ABCA10: variants seen among roughly 807,000 people sequenced by gnomAD.
The protein encoded by ABCA10 is ATP binding cassette subfamily A member 10, also known as ATP-binding cassette sub-family A member 10.
ABCA10 carries 169 observed loss-of-function variants against 187.5 expected under a neutral mutation model. That is an observed-to-expected ratio of 0.90 (90% CI 0.80 to 1.02). The LOEUF (loss-of-function observed/expected upper bound fraction) is 1.02, where lower values mean the gene tolerates loss of function less well. ABCA10 is among the 50% of genes least tolerant of loss of function. ABCA10 has a pLI of 0.00. For missense variants in ABCA10, 1,727 were observed against 1,812.4 expected (o/e 0.95, Z 0.86); for synonymous variants, 574 against 601.8 (o/e 0.95, Z 0.68).
intron 22 of ABCA10, among the ~76,000 whole-genome samples, chr17:69,180,759 T>C (rs371653077): frequency 2.0e-5 from 3 of 152,182 alleles, no homozygotes; most frequent in East Asian, 3.8e-4. Context: ...AATCACCCTA[T>C]CTCATTCGCA....
At chr17:69,149,583 C>T (rs544143129) in intron 37 of ABCA10, among the ~76,000 whole-genome samples, 117 of 152,322 alleles carry the variant, frequency 7.7e-4, no homozygotes, top group Non-Finnish European at 1.3e-3. Context: ...ACTGTTGCCT[C>T]TGTACATTTG....
intron 9 of ABCA10, among the ~76,000 whole-genome samples, chr17:69,207,550 C>T (rs2074600988): frequency 1.3e-5 from 2 of 151,588 alleles, no homozygotes; most frequent in Admixed American, 1.3e-4. Context: ...TATATATATA[C>T]AATAGAATAC....
chr17:69,185,136 T>C (rs2074411404), intron 20 of ABCA10, among the ~76,000 whole-genome samples: 1 of 152,006 alleles, frequency 6.6e-6, no homozygotes, highest in Non-Finnish European at 1.5e-5. Context: ...CAATGGATTT[T>C]GAGGACTTGG....
At chr17:69,224,366 C>T (rs548421663) in intron 3 of ABCA10, among the ~76,000 whole-genome samples, 1 of 152,146 alleles carries the variant, frequency 6.6e-6, no homozygotes, top group East Asian at 1.9e-4. Context: ...ATGTTCAGAA[C>T]CCTGGCAGAA....
intron 5 of ABCA10, 101 bp downstream of exon 5, chr17:69,221,691 T>A: frequency 9.8e-7 from 1 of 1,024,528 alleles, no homozygotes; most frequent in South Asian, 2.0e-5. Flanking sequence ...AGGCAAAGTA[T>A]CACCTCCTAA....
At chr17:69,230,126 TTC>T (rs892724864), upstream of ABCA10, among the ~76,000 whole-genome samples, 2 of 151,310 alleles carry the variant, frequency 1.3e-5, no homozygotes, top group Non-Finnish European at 1.5e-5. Context: ...TTAGGCCCAA[TTC>T]TCTCTCTCTC....
rs932232994 is a variant in ABCA10 at position 69,227,129 on chromosome 17, A to T, written c.-172+16T>A. ...ATTAATTATGGATATATATATATAT[A>T]TATAGTGAATCATACCAATAAACTC... On this transcript the variant is annotated intron_variant, in intron 2 of 38. Coordinates refer to ENST00000690296, the MANE Select transcript of ABCA10 (RefSeq NM_001377321.1). The T allele has an allele frequency of 6.7e-5, 10 of 149,682 alleles. No individual in the cohort carries two copies. Among genetic ancestry groups the T allele is most frequent in the African/African-American group, 2.4e-4 (10 of 41,072 alleles). The allele number at this position is 149,682 out of a possible 1,614,324, so 9.3% of individuals were successfully genotyped here.
In ABCA10 at chr17:69,152,094, G is replaced by T. The variant is rs1423325519; in HGVS notation, c.4346C>A (p.Ala1449Asp). 5.0e-6 allele frequency: 8 copies of T among 1,613,452 alleles called. No homozygotes were observed. The highest frequency in any genetic ancestry group is 6.8e-6 in the Non-Finnish European group (8 of 1,179,914). The change falls in exon 36 of 39, where the codon GCT becomes GAT. Residue 1449 changes from alanine to aspartate, a missense_variant. Transcript: ENST00000690296. ...AAGCTTCAAAATCTCTGTGTGGAGA[G>T]CTTCCACCTGGGTAGGTTCTTTCAT... ...IKMKEPTQVE[A>D]LHTEILKLFP... is the part of the protein sequence containing the mutation.
At chr17:69,207,315 A>G (rs1320648507) in intron 9 of ABCA10, among the ~76,000 whole-genome samples, 1 of 152,196 alleles carries the variant, frequency 6.6e-6, no homozygotes, top group African/African-American at 2.4e-5. Context: ...TACAACCATT[A>G]TGAAAAATAT....
chr17:69,155,427 C>T lies in ABCA10; in HGVS notation c.3577-291G>A, dbSNP rs570130340. On this transcript the variant is annotated intron_variant, in intron 29 of 38. Coordinates refer to ENST00000690296, the MANE Select transcript of ABCA10 (RefSeq NM_001377321.1). ...TCCCAGTTTATTCCTTATTGATTTC[C>T]ATGCATTGTAAATTCATTTGCTCTT... Among the ~76,000 whole-genome samples, 276 of 152,268 alleles carry T rather than the reference C, an allele frequency of 1.8e-3. 2 individuals carry two copies. The highest frequency in any genetic ancestry group is 6.3e-3 in the African/African-American group (261 of 41,560).
chr17:69,148,792 A>G lies in ABCA10; in HGVS notation c.*35T>C, dbSNP rs761872076. 2.0e-6 allele frequency: 3 copies of G among 1,514,376 alleles called. No homozygotes were observed. The highest frequency in any genetic ancestry group is 1.4e-5 in the African/African-American group (1 of 72,600). 93.8% of individuals were successfully genotyped at this position (1,514,376 alleles called of 1,614,324 possible). The stretch of plus-strand genomic sequence containing the variant: ...GAATTATGGAAACTAACAATGTAGT[A>G]GGACCTAAAATTGAATGTTAGGAGG... On this transcript the variant is annotated 3_prime_UTR_variant, in exon 39 of 39. Coordinates refer to ENST00000690296, the MANE Select transcript of ABCA10 (RefSeq NM_001377321.1).
rs1156592391 is a variant in ABCA10, at chr17:69,155,078, C to T, written c.3635G>A (p.Cys1212Tyr). The T allele has an allele frequency of 1.9e-6, 3 of 1,612,910 alleles. No individual in the cohort carries two copies. Among genetic ancestry groups the T allele is most frequent in the Non-Finnish European group, 2.5e-6 (3 of 1,179,350 alleles). The change falls in exon 30 of 39, where the codon TGC becomes TAC. Residue 1212 changes from cysteine to tyrosine, a missense_variant. Transcript: ENST00000690296. The part of the protein sequence containing the change: ...HKEYYETKKS[C>Y]FSTRKKKIAI... The stretch of plus-strand genomic sequence containing the variant: ...TATTTTCTTCTTTCTTGTTGAAAAG[C>T]AACTTTTCTTTGTCTCATAATATTC...
At chr17:69,182,853 AAG>A in intron 20 of ABCA10, 45 bp from the exon 21 acceptor site, 1 of 1,532,322 alleles carries the variant, frequency 6.5e-7, no homozygotes, top group Non-Finnish European at 8.8e-7. Flanking sequence ...AAAAAAAAGC[AAG>A]AAAATCAAAG....
In ABCA10 at chr17:69,226,520, T is replaced by C. The variant is rs551803469; in HGVS notation, c.-172+625A>G. 2.6e-5 allele frequency among the ~76,000 whole-genome samples: 4 copies of C among 152,140 alleles called. No individual in the cohort carries two copies. In the South Asian group the frequency reaches 8.3e-4, roughly 32 times the overall value. ...TCAAGGCAGATCCAGTTATATCTCATAGTAACACAAAGCAATGTCTTAATA... is the reference window on the plus strand; with the variant it reads ...TCAAGGCAGATCCAGTTATATCTCACAGTAACACAAAGCAATGTCTTAATA... On this transcript the variant is annotated intron_variant, in intron 2 of 38. Coordinates refer to ENST00000690296, the MANE Select transcript of ABCA10 (RefSeq NM_001377321.1).
At chr17:69,200,827 G>A (rs933660197) in intron 10 of ABCA10, among the ~76,000 whole-genome samples, 4 of 152,080 alleles carry the variant, frequency 2.6e-5, no homozygotes, top group Non-Finnish European at 5.9e-5. Context: ...ATCCTCCCAC[G>A]TCAGCCTCCC....
intron 18 of ABCA10, among the ~76,000 whole-genome samples, chr17:69,189,866 G>C (rs951391593): frequency 6.6e-6 from 1 of 152,072 alleles, no homozygotes; most frequent in Non-Finnish European, 1.5e-5. Flanking sequence ...TCTCTAACTT[G>C]TTCCGTTGGT....
chr17:69,152,354 GCACC>G lies in ABCA10; in HGVS notation c.4256+4_4256+7del. 2 of 1,612,630 alleles carry G rather than the reference GCACC, an allele frequency of 1.2e-6. No homozygotes were observed. Among genetic ancestry groups the G allele is most frequent in the Non-Finnish European group, 1.7e-6 (2 of 1,179,384 alleles). Reference sequence around the variant, plus strand: ...GCTAGTCCCATGCTGGTCAGGACAGGCACCCACCTTAGCGTTCCTGACACCATCA... The same window carrying G: ...GCTAGTCCCATGCTGGTCAGGACAGGCACCTTAGCGTTCCTGACACCATCA... On this transcript the variant is annotated splice_donor_5th_base_variant and intron_variant, in intron 35 of 38. Transcript: ENST00000690296.
upstream of ABCA10, among the ~76,000 whole-genome samples, chr17:69,229,072 T>C (rs1304081410): frequency 6.6e-6 from 1 of 152,000 alleles, no homozygotes; most frequent in Non-Finnish European, 1.5e-5. Context: ...ATCATTCCAA[T>C]GAGAAAGTTT....
At chr17:69,181,305 C>G (rs2074379519) in intron 22 of ABCA10, among the ~76,000 whole-genome samples, 1 of 152,176 alleles carries the variant, frequency 6.6e-6, no homozygotes, top group African/African-American at 2.4e-5. Flanking sequence ...AATCCATTCA[C>G]TGATTTAAGT....
Sources: allele counts gnomAD v4.1 joint callset (sites outside exome capture counted in the v4.1 genomes callset), GRCh38; gene constraint gnomAD v4.1.1; transcripts MANE v1.5; gene names NCBI Gene and HGNC (gene_info 2026-07-23, HGNC 2026-07-21).